The following ALK variants were observed in gnomAD, a reference collection of about 807,000 sequenced individuals.
The protein encoded by ALK is ALK receptor tyrosine kinase.
Under a neutral mutation model 163.1 loss-of-function variants are expected in ALK, and 74 were observed. That is an observed-to-expected ratio of 0.45 (90% CI 0.38 to 0.55). The LOEUF is 0.55. Ranked by LOEUF, ALK falls within the 20% of genes least tolerant of loss-of-function variation. ALK has a pLI of 0.00. For synonymous variants in ALK, 960 were observed against 843.2 expected (o/e 1.14, Z -2.40); for missense variants, 2,063 against 2,105.3 (o/e 0.98, Z 0.39).
chr2:29,571,265 C>T (rs1674359895), intron 3 of ALK, among the ~76,000 whole-genome samples: 1 of 152,168 alleles, frequency 6.6e-6, no homozygotes, highest in African/African-American at 2.4e-5. Context: ...AGTTTATAGA[C>T]TAGTGATGTG....
chr2:29,193,891 A>G lies in ALK; in HGVS notation c.4196T>C (p.Ile1399Thr), dbSNP rs746970974. Residue 1399 changes from isoleucine (I) to threonine (T), a missense_variant, in exon 29 of 29, where the codon ATA becomes ACA. Ile to Thr is a moderately conservative substitution (Grantham distance 89, BLOSUM62 -1). This residue lies in a region of ALK where 403 missense variants were observed against 366.2 expected (regional missense o/e 1.10). Transcript: ENST00000389048. Reference sequence around the variant, plus strand: ...CTCTTCCACAAGTGGACCATATTCTATCGGCAAAGCGGTGTTGATTACATC... The same window carrying G: ...CTCTTCCACAAGTGGACCATATTCTGTCGGCAAAGCGGTGTTGATTACATC... ...DPDVINTALP[I>T]EYGPLVEEEE... 7.4e-6 allele frequency: 12 copies of G among 1,614,010 alleles called. No individual in the cohort carries two copies. Among genetic ancestry groups the G allele is most frequent in the South Asian group, 6.6e-5 (6 of 91,076 alleles).
At chr2:29,342,867 G>T (rs1218854367) in intron 5 of ALK, among the ~76,000 whole-genome samples, 4 of 147,280 alleles carry the variant, frequency 2.7e-5, no homozygotes, top group Non-Finnish European at 5.9e-5. Flanking sequence ...ACGGCTGTGT[G>T]CTCAGTGATC....
rs180898870 is a variant in ALK, at chr2:29,888,742, T to C, written c.667+31251A>G. 1.5e-3 allele frequency among the ~76,000 whole-genome samples: 233 copies of C among 152,322 alleles called. 1 individual carries two copies. The highest frequency in any genetic ancestry group is 5.0e-3 in the African/African-American group (206 of 41,570). The stretch of plus-strand genomic sequence containing the variant: ...CCAAAAAGGAGTCCCTCTTACTATA[T>C]CCAAAATTTTTGCATCTTTTACATT... On this transcript the variant is annotated intron_variant, in intron 1 of 28. Transcript: ENST00000389048.
chr2:29,552,781 G>A (rs377427145), intron 3 of ALK, among the ~76,000 whole-genome samples: 10 of 152,090 alleles, frequency 6.6e-5, no homozygotes, highest in African/African-American at 2.2e-4. Flanking sequence ...AGTAAACATC[G>A]GATTGTATCC....
intron 14 of ALK, 72 bp downstream of exon 14, chr2:29,233,493 C>T (rs917206453): frequency 1.3e-4 from 208 of 1,608,628 alleles, no homozygotes; most frequent in Non-Finnish European, 1.6e-4. Context: ...GTTTCTATCC[C>T]AGGGCTGTCA....
chr2:29,241,093 G>A (rs1325374292), intron 12 of ALK, among the ~76,000 whole-genome samples: 1 of 152,192 alleles, frequency 6.6e-6, no homozygotes, highest in African/African-American at 2.4e-5. Flanking sequence ...AGAATCTAGT[G>A]CCCATTGCCC....
intron 1 of ALK, among the ~76,000 whole-genome samples, chr2:29,917,034 A>G (rs892698062): frequency 6.6e-6 from 1 of 152,248 alleles, no homozygotes; most frequent in Non-Finnish European, 1.5e-5. Context: ...CATGCATTAT[A>G]AGGCCTCTCA....
intron 3 of ALK, among the ~76,000 whole-genome samples, chr2:29,583,417 G>T (rs1279020825): frequency 6.6e-6 from 1 of 152,070 alleles, no homozygotes; most frequent in Non-Finnish European, 1.5e-5. Context: ...TTTGCAGCCT[G>T]TCTCTGTTAA....
intron 3 of ALK, among the ~76,000 whole-genome samples, chr2:29,679,174 C>T (rs1677985188): frequency 1.3e-5 from 2 of 151,826 alleles, no homozygotes; most frequent in South Asian, 4.1e-4. Context: ...TACAACCACT[C>T]CAGCTTTCTT....
intron 4 of ALK, among the ~76,000 whole-genome samples, chr2:29,459,757 C>T (rs912880395): frequency 6.6e-6 from 1 of 152,168 alleles, no homozygotes; most frequent in South Asian, 2.1e-4. Flanking sequence ...AAGATAAAAA[C>T]AGCTGAGGTC....
At chr2:29,259,849 G>A (rs1325442727) in intron 11 of ALK, among the ~76,000 whole-genome samples, 8 of 151,830 alleles carry the variant, frequency 5.3e-5, no homozygotes, top group South Asian at 4.2e-4. Context: ...GGTTTTCTTC[G>A]TCAGGTCTTT....
intron 2 of ALK, 146 bp from the exon 3 acceptor site, chr2:29,695,160 C>G: frequency 1.2e-6 from 1 of 844,144 alleles, no homozygotes; most frequent in Admixed American, 2.1e-5. Flanking sequence ...TACCACAGGG[C>G]TCTGTATTGG....
At chr2:29,627,449 G>T (rs1245700973) in intron 3 of ALK, among the ~76,000 whole-genome samples, 1 of 151,990 alleles carries the variant, frequency 6.6e-6, no homozygotes, top group East Asian at 1.9e-4. Context: ...CCCTAATTTC[G>T]CATATGAAGA....
intron 1 of ALK, among the ~76,000 whole-genome samples, chr2:29,720,771 G>T (rs1049470386): frequency 6.6e-6 from 1 of 152,140 alleles, no homozygotes; most frequent in Non-Finnish European, 1.5e-5. Context: ...CCCAACCACT[G>T]CAGGGAAGGA....
chr2:29,253,854 AG>A, intron 11 of ALK, among the ~76,000 whole-genome samples: 1 of 133,876 alleles, frequency 7.5e-6, no homozygotes, highest in African/African-American at 3.3e-5. Context: ...TTAGATAGAT[AG>A]ATAGATAGAT....
At chr2:29,579,394 C>T (rs1430579202) in intron 3 of ALK, among the ~76,000 whole-genome samples, 1 of 152,196 alleles carries the variant, frequency 6.6e-6, no homozygotes, top group African/African-American at 2.4e-5. Flanking sequence ...ATCCCACAAG[C>T]TTCAGAGGCC....
At chr2:29,710,660 C>A (rs1213071592) in intron 2 of ALK, among the ~76,000 whole-genome samples, 1 of 152,132 alleles carries the variant, frequency 6.6e-6, no homozygotes, top group Middle Eastern at 3.2e-3. Flanking sequence ...AGGCTACAGG[C>A]ACATGTGCAC....
chr2:29,916,031 A>G (rs935840593), intron 1 of ALK, among the ~76,000 whole-genome samples: 1 of 152,206 alleles, frequency 6.6e-6, no homozygotes, highest in Non-Finnish European at 1.5e-5. Flanking sequence ...CAGGGTTTGG[A>G]TCATAAAAAG....
intron 4 of ALK, among the ~76,000 whole-genome samples, chr2:29,453,844 C>T (rs568093850): frequency 9.9e-5 from 15 of 152,172 alleles, no homozygotes; most frequent in African/African-American, 3.1e-4. Context: ...TGTTAAGGAC[C>T]TCAGAGAAAA....
Sources: gnomAD v4.1 joint callset for allele counts (sites outside exome capture counted in the v4.1 genomes callset) on GRCh38, gnomAD v4.1.1 for gene constraint, gnomAD v4.1.1 regional missense constraint, MANE v1.5 for transcripts, NCBI Gene and HGNC (gene_info 2026-07-23, HGNC 2026-07-21) for gene names.